The following TYRO3 variants were observed in gnomAD, a reference collection of about 807,000 sequenced individuals.
The protein encoded by TYRO3 is tyrosine-protein kinase receptor TYRO3.
TYRO3 carries 38 observed loss-of-function variants against 95.2 expected under a neutral mutation model. The ratio of observed to expected loss-of-function variants is 0.40; its 90% confidence interval spans 0.31 to 0.52. The LOEUF (loss-of-function observed/expected upper bound fraction) is 0.52. Among genes scored for constraint, TYRO3 ranks in the 20% least tolerant of loss-of-function variants. The pLI, the probability that TYRO3 is intolerant of heterozygous loss-of-function variation, is 0.56. For synonymous variants in TYRO3, 367 were observed against 432.9 expected (o/e 0.85, Z 1.89); for missense variants, 812 against 1,116.4 (o/e 0.73, Z 3.89).
chr15:41,578,068 C>CT lies in TYRO3; in HGVS notation c.2466dup (p.Gly823TrpfsTer24). 1 of 1,614,108 alleles carries CT rather than the reference C, an allele frequency of 6.2e-7. No individual in the cohort carries two copies. The highest frequency in any genetic ancestry group is 8.5e-7 in the Non-Finnish European group (1 of 1,180,036). On this transcript the variant is annotated frameshift_variant, in exon 19 of 19. Transcript: ENST00000263798. LOFTEE classifies it high-confidence loss of function. ...ACTGCGGGAGGCAGCCTGGAGCTAC[C>CT]TGGCAGGGATCAGCCCTACAGTGGG...
rs1166402660 is a variant in TYRO3, at chr15:41,581,406, C to T, written c.*3130C>T. 1 of 153,214 alleles carries T rather than the reference C, an allele frequency of 6.5e-6. No individual in the cohort carries two copies. Among genetic ancestry groups the T allele is most frequent in the African/African-American group, 2.4e-5 (1 of 41,394 alleles). 9.5% of individuals were successfully genotyped at this position (153,214 alleles called of 1,614,324 possible). On this transcript the variant is annotated 3_prime_UTR_variant, in exon 19 of 19. Coordinates refer to ENST00000263798, the MANE Select transcript of TYRO3 (RefSeq NM_006293.4). ...TGCTGGTACTCCAAATTCTGGTTCCCATGTAGATCATGAAACCTGAAAAAC... is the reference window on the plus strand; with the variant it reads ...TGCTGGTACTCCAAATTCTGGTTCCTATGTAGATCATGAAACCTGAAAAAC...
chr15:41,559,789 G>C (rs574400677), intron 1 of TYRO3, among the ~76,000 whole-genome samples: 5 of 152,226 alleles, frequency 3.3e-5, no homozygotes, highest in South Asian at 2.1e-4. Context: ...GGCACCCAAA[G>C]GCCACCCTGA....
At chr15:41,569,930 G>A in intron 9 of TYRO3, 97 bp from the exon 10 acceptor site, 2 of 1,481,396 alleles carry the variant, frequency 1.4e-6, no homozygotes, top group Non-Finnish European at 1.8e-6. Flanking sequence ...TTGACCTAGA[G>A]GAGCCCCTTG....
chr15:41,581,269 C>A lies in TYRO3; in HGVS notation c.*2993C>A, dbSNP rs1436409366. On this transcript the variant is annotated 3_prime_UTR_variant, in exon 19 of 19. Transcript: ENST00000263798. The stretch of plus-strand genomic sequence containing the variant: ...AGGAGGCGCAGGAACCACACATGTG[C>A]TAGTGAGGAGTGTGGGGAGACTGGG... 6.5e-6 allele frequency: 1 copy of A among 153,776 alleles called. No individual in the cohort carries two copies. The highest frequency in any genetic ancestry group is 2.4e-5 in the African/African-American group (1 of 41,422). 9.5% of individuals were successfully genotyped at this position (153,776 alleles called of 1,614,324 possible). A position where few individuals can be genotyped will look rare whatever the true frequency, so the allele number is the denominator to read the frequency against.
intron 8 of TYRO3, 39 bp downstream of exon 8, chr15:41,568,401 T>TATAA: frequency 1.3e-6 from 2 of 1,578,360 alleles, no homozygotes; most frequent in Non-Finnish European, 1.7e-6. Flanking sequence ...TCTCCTGGAG[T>TATAA]ATAAGCCTTC....
Position 41,573,761 on chromosome 15 carries a change from A to G in TYRO3, c.2228A>G (p.Asn743Ser), listed in dbSNP as rs1410641938. The part of the protein sequence containing the change: ...YAGIENAEIY[N>S]YLIGGNRLKQ... ...GGCATCGAAAACGCTGAGATTTACA[A>G]CTACCTCATTGGCGGGAACCGCCTG... Residue 743 changes from asparagine to serine, a missense_variant, in exon 18 of 19, where the codon AAC (asparagine) becomes AGC (serine). Physicochemically the swap from Asn to Ser is conservative, Grantham distance 46. Transcript: ENST00000263798. The G allele has an allele frequency of 1.2e-6, 2 of 1,614,130 alleles. No homozygotes were observed. The highest frequency in any genetic ancestry group is 1.3e-5 in the African/African-American group (1 of 74,948).
intron 1 of TYRO3, among the ~76,000 whole-genome samples, chr15:41,560,393 A>ATG (rs369495054): frequency 0.19 from 23,132 of 120,218 alleles, 2,396 homozygotes; most frequent in Non-Finnish European, 0.25. Flanking sequence ...AGGTGCGTGT[A>ATG]TGTGTGTGTG....
Position 41,560,393 on chromosome 15 carries a change from A to ATGTGTGTGTGTGTGTGTG in TYRO3, c.125-715_125-698dup, listed in dbSNP as rs369495054. ...CCAGGAGGCCAGGAGAGGTGCGTGTATGTGTGTGTGTGTGTGTGTGTGTGT... is the reference window on the plus strand; with the variant it reads ...CCAGGAGGCCAGGAGAGGTGCGTGTATGTGTGTGTGTGTGTGTGTGTGTGTGTGTGTGTGTGTGTGTGT... On this transcript the variant is annotated intron_variant, in intron 1 of 18. Transcript: ENST00000263798. 8.9e-3 allele frequency among the ~76,000 whole-genome samples: 1,074 copies of ATGTGTGTGTGTGTGTGTG among 120,224 alleles called. 8 individuals carry two copies. Among genetic ancestry groups the ATGTGTGTGTGTGTGTGTG allele is most frequent in the African/African-American group, 0.018 (571 of 31,328 alleles). The allele number at this position is 120,224 out of a possible 152,430, so 78.9% of individuals were successfully genotyped here. A position where few individuals can be genotyped will look rare whatever the true frequency, so the allele number is the denominator to read the frequency against.
At chr15:41,563,385 A>T (rs976021847) in intron 4 of TYRO3, among the ~76,000 whole-genome samples, 5 of 152,172 alleles carry the variant, frequency 3.3e-5, no homozygotes, top group African/African-American at 1.2e-4. Flanking sequence ...TGAATTGGGC[A>T]AAAAAGATGG....
At chr15:41,572,880 C>T in intron 15 of TYRO3, 122 bp from the exon 16 acceptor site, 2 of 832,436 alleles carry the variant, frequency 2.4e-6, no homozygotes, top group Non-Finnish European at 1.9e-6. Context: ...GGCCCTCCAT[C>T]CCCTTCCTTC....
rs1382586481 is a variant in TYRO3 at position 41,572,309 on chromosome 15, G to A, written c.1754-134G>A. 7 of 1,299,540 alleles carry A rather than the reference G, an allele frequency of 5.4e-6. No individual in the cohort carries two copies. The Admixed American group carries it at 6.6e-5, about 12-fold the overall frequency. 80.5% of individuals were successfully genotyped at this position (1,299,540 alleles called of 1,614,324 possible). A position where few individuals can be genotyped will look rare whatever the true frequency, so the allele number is the denominator to read the frequency against. ...CCTGGGTAGTCCCCAGACCAGTGTGGAGCCTGTGAAAAAATAAAAAATAAA... is the reference window on the plus strand; with the variant it reads ...CCTGGGTAGTCCCCAGACCAGTGTGAAGCCTGTGAAAAAATAAAAAATAAA... On this transcript the variant is annotated intron_variant, in intron 14 of 18. Coordinates refer to ENST00000263798, the MANE Select transcript of TYRO3 (RefSeq NM_006293.4).
chr15:41,564,786 G>A (rs2055701239), intron 5 of TYRO3: 2 of 519,124 alleles, frequency 3.9e-6, no homozygotes, highest in Non-Finnish European at 7.0e-6. Flanking sequence ...CAGTTACACA[G>A]GGCCTTCGTG....
rs527345876 is a variant in TYRO3, at chr15:41,561,278, A to T, written c.276A>T (p.Pro92=). 3 of 1,613,900 alleles carry T rather than the reference A, an allele frequency of 1.9e-6. No individual in the cohort carries two copies. In the Admixed American group the frequency reaches 5.0e-5, roughly 27 times the overall value. ...VVQNLDQLYI[P]VSEQHWIGFL... ...AGAACTTGGACCAGTTGTACATCCC[A>T]GTCAGCGAGCAGCACTGGATCGGCT... Residue 92 remains proline, a synonymous_variant, in exon 2 of 19, where the codon CCA becomes CCT. Coordinates refer to ENST00000263798, the MANE Select transcript of TYRO3 (RefSeq NM_006293.4).
chr15:41,562,861 A>G (rs981540921), intron 4 of TYRO3, 143 bp downstream of exon 4: 13 of 833,820 alleles, frequency 1.6e-5, no homozygotes, highest in Non-Finnish European at 2.2e-5. Flanking sequence ...CTGCACCATT[A>G]CTAAGCTCAT....
chr15:41,576,031 G>A (rs928015128), intron 18 of TYRO3, among the ~76,000 whole-genome samples: 6 of 144,282 alleles, frequency 4.2e-5, no homozygotes, highest in African/African-American at 1.5e-4. Context: ...TTGAACCCGG[G>A]AGGCAGAGGT....
In TYRO3 at chr15:41,561,976, G is replaced by A. The variant is rs574072525; in HGVS notation, c.409+337G>A. On this transcript the variant is annotated intron_variant, in intron 3 of 18. Transcript: ENST00000263798. ...GAGGGGAGGAAGGCTCTGCAGCTGC[G>A]GGAGCTCAGAGCTGTTCAGCCCAGG... 7.7e-4 allele frequency: 198 copies of A among 256,918 alleles called. 1 individual carries two copies. Among genetic ancestry groups the A allele is most frequent in the Non-Finnish European group, 1.2e-3 (161 of 132,870 alleles). 15.9% of individuals were successfully genotyped at this position (256,918 alleles called of 1,614,324 possible). A position where few individuals can be genotyped will look rare whatever the true frequency, so the allele number is the denominator to read the frequency against.
chr15:41,580,198 A>G lies in TYRO3; in HGVS notation c.*1922A>G, dbSNP rs1436426524. 6.6e-6 allele frequency: 1 copy of G among 151,962 alleles called. No individual in the cohort carries two copies. The highest frequency in any genetic ancestry group is 1.5e-5 in the Non-Finnish European group (1 of 68,012). The allele number at this position is 151,962 out of a possible 1,614,324, so 9.4% of individuals were successfully genotyped here. A position where few individuals can be genotyped will look rare whatever the true frequency, so the allele number is the denominator to read the frequency against. On this transcript the variant is annotated 3_prime_UTR_variant, in exon 19 of 19. Coordinates refer to ENST00000263798, the MANE Select transcript of TYRO3 (RefSeq NM_006293.4). ...ATTATACTGAAGATAATACAGAGTC[A>G]CCGTGGGCAGTTAGAAAAATGCAAA...
rs755401207 is a variant in TYRO3 at position 41,570,684 on chromosome 15, C to T, written c.1564C>T (p.Arg522Trp). 1.9e-6 allele frequency: 3 copies of T among 1,614,096 alleles called. No individual in the cohort carries two copies. The highest frequency in any genetic ancestry group is 2.5e-6 in the Non-Finnish European group (3 of 1,180,028). The change falls in exon 12 of 19, where the codon CGG (arginine) becomes TGG (tryptophan). Residue 522 changes from arginine (R) to tryptophan (W), a missense_variant. By Grantham distance (101) the Arg-to-Trp change is moderately radical (BLOSUM62 -3). Coordinates refer to ENST00000263798, the MANE Select transcript of TYRO3 (RefSeq NM_006293.4). ...LIPEQQFTLG[R>W]MLGKGEFGSV... ...CCCAGAGCAGCAGTTCACCCTGGGC[C>T]GGATGTTGGGCAAAGGTATGTGAGG...
intron 6 of TYRO3, among the ~76,000 whole-genome samples, chr15:41,566,106 G>C (rs562192486): frequency 1.2e-4 from 18 of 151,950 alleles, no homozygotes; most frequent in South Asian, 1.0e-3. Flanking sequence ...TGAGCCTGGG[G>C]GTTCAAGACC....
Sources: allele counts gnomAD v4.1 joint callset (sites outside exome capture counted in the v4.1 genomes callset), GRCh38; gene constraint gnomAD v4.1.1; transcripts MANE v1.5; gene names NCBI Gene and HGNC (gene_info 2026-07-23, HGNC 2026-07-21).